CDC14B: variants seen among roughly 807,000 people sequenced by gnomAD.
CDC14B encodes cell division cycle 14B.
A neutral mutation model predicts 64.2 loss-of-function variants in CDC14B; 22 were observed. The observed-to-expected ratio is 0.34, with a 90% confidence interval of 0.24 to 0.49. CDC14B has a LOEUF of 0.49. Among genes scored for constraint, CDC14B ranks in the 20% least tolerant of loss-of-function variants. CDC14B has a pLI of 0.99. For missense variants in CDC14B, 498 were observed against 629.9 expected (o/e 0.79, Z 2.24); for synonymous variants, 191 against 215.8 (o/e 0.89, Z 1.01).
chr9:96,610,494 G>A lies in CDC14B; in HGVS notation c.160+8725C>T, dbSNP rs1269666547. ...ATTACAGGCGTGAGCCACCGCACCC[G>A]GCAAGAATACTTTTTAAATTAAAAA... On this transcript the variant is annotated intron_variant, in intron 1 of 13. Coordinates refer to ENST00000375241, the MANE Select transcript of CDC14B (RefSeq NM_033331.4). Among the ~76,000 whole-genome samples the A allele has an allele frequency of 5.9e-5, 9 of 152,028 alleles. No individual in the cohort carries two copies. The East Asian group carries it at 1.3e-3, about 23-fold the overall frequency.
intron 1 of CDC14B, among the ~76,000 whole-genome samples, chr9:96,601,150 T>G (rs1299218339): frequency 1.3e-5 from 2 of 151,424 alleles, no homozygotes; most frequent in Non-Finnish European, 2.9e-5. Context: ...AAAAAAAAAG[T>G]GTATTTCTCT....
rs368495257 is a variant in CDC14B at position 96,587,016 on chromosome 9, T to C, written c.161-21533A>G. Among the ~76,000 whole-genome samples, 16 of 151,962 alleles carry C rather than the reference T, an allele frequency of 1.1e-4. No individual in the cohort carries two copies. In the East Asian group the frequency reaches 1.4e-3, roughly 13 times the overall value. On this transcript the variant is annotated intron_variant, in intron 1 of 13. Coordinates refer to ENST00000375241, the MANE Select transcript of CDC14B (RefSeq NM_033331.4). ...CGCGAAACCCTGTCTCTACTAAAAATACAAAAATTAACCGGGCGTGTTGGC... is the reference window on the plus strand; with the variant it reads ...CGCGAAACCCTGTCTCTACTAAAAACACAAAAATTAACCGGGCGTGTTGGC...
In CDC14B at chr9:96,500,977, G is replaced by GT. The variant is rs1438693813; in HGVS notation, c.*2775dup. 6.6e-6 allele frequency: 1 copy of GT among 152,442 alleles called. No individual in the cohort carries two copies. Among genetic ancestry groups the GT allele is most frequent in the Non-Finnish European group, 1.5e-5 (1 of 68,204 alleles). 9.4% of individuals were successfully genotyped at this position (152,442 alleles called of 1,614,324 possible). A position where few individuals can be genotyped will look rare whatever the true frequency, so the allele number is the denominator to read the frequency against. ...AAACAGAGAGGTAGCAATCACCCCT[G>GT]TGAGAGGGCTAGAGAGGAGGGGAGG... is the stretch of plus-strand genomic sequence containing the variant. On this transcript the variant is annotated 3_prime_UTR_variant, in exon 14 of 14. Transcript: ENST00000375241.
chr9:96,580,717 C>T (rs771934108), intron 1 of CDC14B, among the ~76,000 whole-genome samples: 7 of 152,044 alleles, frequency 4.6e-5, no homozygotes, highest in Admixed American at 1.3e-4. Context: ...ATAGCAGTGT[C>T]TGCAGTAAGA....
intron 1 of CDC14B, among the ~76,000 whole-genome samples, chr9:96,581,880 GT>G (rs1390596930): frequency 2.0e-5 from 3 of 152,162 alleles, no homozygotes; most frequent in Non-Finnish European, 4.4e-5. Context: ...TACAGCATTG[GT>G]AGCTAGTGCT....
At chr9:96,525,684 C>G (rs1326841681) in intron 9 of CDC14B, among the ~76,000 whole-genome samples, 1 of 152,192 alleles carries the variant, frequency 6.6e-6, no homozygotes, top group Non-Finnish European at 1.5e-5. Context: ...CTGGTTTCTC[C>G]CTTTTGGAAT....
At chr9:96,584,879 C>G (rs566597171) in intron 1 of CDC14B, among the ~76,000 whole-genome samples, 174 of 152,290 alleles carry the variant, frequency 1.1e-3, no homozygotes, top group African/African-American at 3.9e-3. Context: ...TGGTCTCGAA[C>G]TCCTGACCTC....
chr9:96,555,640 C>T (rs1027109451), intron 4 of CDC14B, among the ~76,000 whole-genome samples: 2 of 152,164 alleles, frequency 1.3e-5, no homozygotes, highest in East Asian at 1.9e-4. Flanking sequence ...ATACATGAGG[C>T]GTAAGCACAG....
At chr9:96,496,722 G>A (rs780520374), downstream of CDC14B, among the ~76,000 whole-genome samples, 3 of 152,252 alleles carry the variant, frequency 2.0e-5, no homozygotes, top group Non-Finnish European at 4.4e-5. Flanking sequence ...GCTGGAGGAG[G>A]TGCAGCGGAC....
chr9:96,593,615 G>A (rs553774365), intron 1 of CDC14B, among the ~76,000 whole-genome samples: 2 of 152,158 alleles, frequency 1.3e-5, no homozygotes, highest in African/African-American at 4.8e-5. Flanking sequence ...TGGAAGGCAA[G>A]TGGATCCTAA....
chr9:96,556,344 A>AT (rs1198297293), intron 4 of CDC14B, among the ~76,000 whole-genome samples: 1 of 146,886 alleles, frequency 6.8e-6, no homozygotes, highest in African/African-American at 2.5e-5. Flanking sequence ...ATTGATTATT[A>AT]AAAAAAAAAA....
chr9:96,522,467 T>G, intron 12 of CDC14B, 39 bp downstream of exon 12: 1 of 1,332,822 alleles, frequency 7.5e-7, no homozygotes, highest in Non-Finnish European at 1.1e-6. Context: ...CACACACATA[T>G]GAAGAAACAT....
rs531660482 is a variant in CDC14B, at chr9:96,543,354, C to T, written c.498-1462G>A. Among the ~76,000 whole-genome samples the T allele has an allele frequency of 2.3e-3, 352 of 151,016 alleles. 4 individuals carry two copies. Among genetic ancestry groups the T allele is most frequent in the African/African-American group, 8.1e-3 (332 of 41,108 alleles). The stretch of plus-strand genomic sequence containing the variant: ...AGACTCGTCTCAAAAAAAAAAAAAA[C>T]TTCTAGCCTCAAGCAGTCTTCTCAC... On this transcript the variant is annotated intron_variant, in intron 5 of 13. Transcript: ENST00000375241.
At chr9:96,586,724 TATTTTAAAA>T (rs1845469801) in intron 1 of CDC14B, among the ~76,000 whole-genome samples, 1 of 151,428 alleles carries the variant, frequency 6.6e-6, no homozygotes. Context: ...GCCCAGTCCA[TATTTTAAAA>T]ATTTTAAAAA....
intron 4 of CDC14B, among the ~76,000 whole-genome samples, chr9:96,553,360 CTT>C (rs113951578): frequency 5.8e-5 from 8 of 138,530 alleles, no homozygotes; most frequent in Non-Finnish European, 7.8e-5. Context: ...CTTTTCTTTT[CTT>C]TTTTTTTTTT....
rs1163278721 is a variant in CDC14B at position 96,501,250 on chromosome 9, C to T, written c.*2503G>A. The T allele has an allele frequency of 6.6e-6, 1 of 152,240 alleles. No individual in the cohort carries two copies. The highest frequency in any genetic ancestry group is 1.5e-5 in the Non-Finnish European group (1 of 68,040). 9.4% of individuals were successfully genotyped at this position (152,240 alleles called of 1,614,324 possible). ...TTGAGTCCCCAGAAAGCTTCAAGAG[C>T]ACCTAAAAATATTCACTTCCAATTT... On this transcript the variant is annotated 3_prime_UTR_variant, in exon 14 of 14. Transcript: ENST00000375241.
intron 1 of CDC14B, 137 bp from the exon 2 acceptor site, chr9:96,565,620 T>C (rs1843803917): frequency 4.3e-6 from 3 of 697,210 alleles, no homozygotes. Flanking sequence ...TGGTAATGGG[T>C]AATTACAAAA....
intron 1 of CDC14B, among the ~76,000 whole-genome samples, chr9:96,612,329 G>A (rs958238265): frequency 3.3e-5 from 5 of 152,298 alleles, no homozygotes; most frequent in South Asian, 2.1e-4. Context: ...CCTTCCAGCC[G>A]TGATGACTGT....
At chr9:96,538,012 G>A (rs952270606) in intron 7 of CDC14B, among the ~76,000 whole-genome samples, 17 of 152,050 alleles carry the variant, frequency 1.1e-4, no homozygotes, top group Admixed American at 7.2e-4. Flanking sequence ...GAGCCACTGC[G>A]CCTGGCAGAT....
Sources: allele counts gnomAD v4.1 joint callset (sites outside exome capture counted in the v4.1 genomes callset), GRCh38; gene constraint gnomAD v4.1.1; transcripts MANE v1.5; gene names NCBI Gene and HGNC (gene_info 2026-07-23, HGNC 2026-07-21).